The following EVA1C variants were observed in gnomAD, a reference collection of about 807,000 sequenced individuals.
EVA1C encodes the protein protein eva-1 homolog C.
In EVA1C, 25 loss-of-function variants were observed where a neutral mutation model predicts 45.4. The ratio of observed to expected loss-of-function variants is 0.55; its 90% CI spans 0.40 to 0.77. EVA1C has a LOEUF of 0.77. Among genes scored for constraint, EVA1C ranks in the 30% least tolerant of loss-of-function variants. The pLI is 0.00. For synonymous variants in EVA1C, 190 were observed against 221.2 expected (o/e 0.86, Z 1.25); for missense variants, 479 against 554.8 (o/e 0.86, Z 1.37).
At chr21:32,446,156 T>C (rs1309937982) in intron 1 of EVA1C, among the ~76,000 whole-genome samples, 1 of 152,016 alleles carries the variant, frequency 6.6e-6, no homozygotes, top group Non-Finnish European at 1.5e-5. Flanking sequence ...GGCAGGAGAA[T>C]TGCTTGAACC....
intron 1 of EVA1C, among the ~76,000 whole-genome samples, chr21:32,438,811 C>G (rs1457126920): frequency 6.6e-6 from 1 of 152,068 alleles, no homozygotes; most frequent in Non-Finnish European, 1.5e-5. Context: ...CAACCAAGAG[C>G]TAGAAAAAAG....
intron 1 of EVA1C, among the ~76,000 whole-genome samples, chr21:32,447,403 G>T (rs1182030000): frequency 2.0e-5 from 3 of 151,916 alleles, no homozygotes; most frequent in Non-Finnish European, 4.4e-5. Flanking sequence ...TAATACATAC[G>T]ATCTAAGGGT....
At chr21:32,451,829 C>T (rs1789825965) in intron 1 of EVA1C, among the ~76,000 whole-genome samples, 1 of 152,140 alleles carries the variant, frequency 6.6e-6, no homozygotes, top group African/African-American at 2.4e-5. Flanking sequence ...TGTTAAGGGC[C>T]CACCTTACTC....
intron 4 of EVA1C, among the ~76,000 whole-genome samples, chr21:32,494,724 A>G (rs1301558485): frequency 6.6e-6 from 1 of 151,764 alleles, no homozygotes; most frequent in African/African-American, 2.4e-5. Flanking sequence ...CAGAGGTTGC[A>G]GTGACTGAGA....
intron 6 of EVA1C, 27 bp downstream of exon 6, chr21:32,501,522 T>A (rs2037529772): frequency 6.3e-7 from 1 of 1,592,246 alleles, no homozygotes; most frequent in African/African-American, 1.3e-5. Flanking sequence ...ACTACCAGCA[T>A]TTCTCTTTAA....
chr21:32,417,942 G>A (rs1340474097), intron 1 of EVA1C, among the ~76,000 whole-genome samples: 4 of 152,110 alleles, frequency 2.6e-5, no homozygotes, highest in Non-Finnish European at 5.9e-5. Flanking sequence ...CTAGAGTTGA[G>A]GACACCTCTG....
chr21:32,420,453 C>T (rs56154312), intron 1 of EVA1C, among the ~76,000 whole-genome samples: 4 of 152,242 alleles, frequency 2.6e-5, no homozygotes, highest in East Asian at 1.9e-4. Flanking sequence ...GGTGCAATCA[C>T]GGCTCACTGC....
chr21:32,427,528 T>C (rs1377498127), intron 1 of EVA1C, among the ~76,000 whole-genome samples: 1 of 151,752 alleles, frequency 6.6e-6, no homozygotes, highest in African/African-American at 2.4e-5. Flanking sequence ...TCCTGGCCAA[T>C]GTGGTAAAAC....
rs111213010 is a variant in EVA1C, at chr21:32,507,623, C to T, written c.949+3608C>T. Among the ~76,000 whole-genome samples, 78 of 144,998 alleles carry T rather than the reference C, an allele frequency of 5.4e-4. 1 individual carries two copies. Among genetic ancestry groups the T allele is most frequent in the Middle Eastern group, 4.4e-3 (1 of 228 alleles). ...TTCTATGTGTACATGTGTGTACATG[C>T]GTATCTGTGTGTGCATGGGTTTGCA... On this transcript the variant is annotated intron_variant, in intron 7 of 7. Coordinates refer to ENST00000300255, the MANE Select transcript of EVA1C (RefSeq NM_058187.5).
intron 4 of EVA1C, among the ~76,000 whole-genome samples, chr21:32,486,404 C>A (rs1397980157): frequency 6.6e-6 from 1 of 152,186 alleles, no homozygotes; most frequent in Non-Finnish European, 1.5e-5. Context: ...GGATTACAGG[C>A]GTGAGCCACC....
chr21:32,499,334 C>G (rs1179782675), intron 5 of EVA1C, among the ~76,000 whole-genome samples: 3 of 152,216 alleles, frequency 2.0e-5, no homozygotes, highest in African/African-American at 7.2e-5. Context: ...TTTGCAGCAG[C>G]TGAGCTCAGC....
At chr21:32,434,661 G>C (rs943274183) in intron 1 of EVA1C, among the ~76,000 whole-genome samples, 1 of 151,776 alleles carries the variant, frequency 6.6e-6, no homozygotes, top group Admixed American at 6.6e-5. Flanking sequence ...TATAGATATG[G>C]AAAGGGGAAA....
intron 1 of EVA1C, among the ~76,000 whole-genome samples, chr21:32,446,082 AAAAAT>A (rs747544135): frequency 1.3e-5 from 2 of 152,134 alleles, no homozygotes; most frequent in Non-Finnish European, 2.9e-5. Context: ...CGTCTCTACT[AAAAAT>A]AAAAAAATAG....
At chr21:32,447,690 A>C (rs1402125642) in intron 1 of EVA1C, among the ~76,000 whole-genome samples, 2 of 151,070 alleles carry the variant, frequency 1.3e-5, no homozygotes, top group Non-Finnish European at 3.0e-5. Flanking sequence ...CTTCACTTCC[A>C]CTCACTTTTC....
chr21:32,447,454 C>T (rs573657114), intron 1 of EVA1C, among the ~76,000 whole-genome samples: 1 of 152,166 alleles, frequency 6.6e-6, no homozygotes, highest in South Asian at 2.1e-4. Context: ...CATATATGCA[C>T]AAGCCTCTTT....
intron 1 of EVA1C, among the ~76,000 whole-genome samples, chr21:32,435,068 G>C (rs2034886825): frequency 1.3e-5 from 2 of 152,390 alleles, no homozygotes; most frequent in Non-Finnish European, 2.9e-5. Flanking sequence ...ATGGTCACTT[G>C]AGATAATAAA....
Position 32,453,402 on chromosome 21 carries a change from G to A in EVA1C, c.251G>A (p.Ser84Asn). ...NLQCPRHSTI[S>N]VQSAFYGQDY... ...CAGTGCCCTCGGCATTCTACGATAA[G>A]TGTCCAATCGGCATTTTATGGGCAA... Residue 84 changes from serine to asparagine, a missense_variant, in exon 2 of 8, where the codon AGT becomes AAT. Ser to Asn is a conservative substitution (Grantham distance 46, BLOSUM62 1). Around this residue, in one of 3 missense-constraint regions of EVA1C, gnomAD observed 33 missense variants for 64.9 expected, o/e 0.51. Coordinates refer to ENST00000300255, the MANE Select transcript of EVA1C (RefSeq NM_058187.5). The A allele has an allele frequency of 6.2e-7, 1 of 1,611,674 alleles. No homozygotes were observed.
chr21:32,508,408 T>C (rs2037844000), intron 7 of EVA1C, among the ~76,000 whole-genome samples: 2 of 152,084 alleles, frequency 1.3e-5, no homozygotes, highest in Admixed American at 6.5e-5. Flanking sequence ...GGATGTCCTG[T>C]TTTGGGAGGC....
chr21:32,509,461 A>G (rs942757717), intron 7 of EVA1C, among the ~76,000 whole-genome samples: 10 of 152,090 alleles, frequency 6.6e-5, no homozygotes, highest in Non-Finnish European at 1.3e-4. Context: ...CCAGGAGAAG[A>G]GGAGAGGGAA....
Sources: gnomAD v4.1 joint callset for allele counts (sites outside exome capture counted in the v4.1 genomes callset) on GRCh38, gnomAD v4.1.1 for gene constraint, gnomAD v4.1.1 regional missense constraint, MANE v1.5 for transcripts, NCBI Gene and HGNC (gene_info 2026-07-23, HGNC 2026-07-21) for gene names.